The following AGMO variants were observed in gnomAD, a reference collection of about 807,000 sequenced individuals.
AGMO encodes the protein alkylglycerol monooxygenase.
Under a neutral mutation model 60.2 loss-of-function variants are expected in AGMO, and 75 were observed. The ratio of observed to expected loss-of-function variants is 1.25; its 90% CI spans 1.03 to 1.51. AGMO has a LOEUF of 1.51. Among genes scored for constraint, AGMO ranks in the 40% most tolerant of loss-of-function variants. The pLI is 0.00. For synonymous variants in AGMO, 261 were observed against 177.1 expected (o/e 1.47, Z -3.76); for missense variants, 763 against 525.5 (o/e 1.45, Z -4.42).
At chr7:15,190,198 T>C in the AGMO span, among the ~76,000 whole-genome samples, 1 of 3,834 alleles carries the variant, frequency 2.6e-4, no homozygotes, top group African/African-American at 1.1e-3. Flanking sequence ...TATATATATA[T>C]ATTTATATAT....
the AGMO span, among the ~76,000 whole-genome samples, chr7:15,167,352 A>G: frequency 6.6e-6 from 1 of 152,314 alleles, no homozygotes; most frequent in African/African-American, 2.4e-5. Flanking sequence ...AAATTAAGAA[A>G]TAGCTTCTTT....
intron 10 of AGMO, among the ~76,000 whole-genome samples, chr7:15,370,095 C>A (rs1449158461): frequency 2.0e-5 from 3 of 152,058 alleles, no homozygotes; most frequent in African/African-American, 7.2e-5. Context: ...CTATTGTTGT[C>A]ATCTTTATGT....
At chr7:15,283,144 A>C (rs1004916017) in intron 12 of AGMO, among the ~76,000 whole-genome samples, 1 of 152,164 alleles carries the variant, frequency 6.6e-6, no homozygotes, top group Non-Finnish European at 1.5e-5. Context: ...TCTTAAAAGC[A>C]TAAAACTCAC....
chr7:15,547,651 G>C (rs556315339), intron 2 of AGMO, among the ~76,000 whole-genome samples: 1 of 152,058 alleles, frequency 6.6e-6, no homozygotes, highest in East Asian at 1.9e-4. Context: ...TCCGCACCTG[G>C]CTCGGAGGGT....
At chr7:15,547,673 G>T (rs918067879) in intron 2 of AGMO, among the ~76,000 whole-genome samples, 2 of 152,056 alleles carry the variant, frequency 1.3e-5, no homozygotes, top group Non-Finnish European at 2.9e-5. Flanking sequence ...CTACGCCCAC[G>T]GAGTCTCGCT....
intron 8 of AGMO, among the ~76,000 whole-genome samples, chr7:15,390,430 CTTTA>C (rs1313391835): frequency 6.6e-6 from 1 of 152,152 alleles, no homozygotes; most frequent in Admixed American, 6.5e-5. Context: ...TTAGAAGCCA[CTTTA>C]TTTTTCATTC....
chr7:15,352,717 G>T (rs773345371), intron 12 of AGMO, among the ~76,000 whole-genome samples: 7 of 151,584 alleles, frequency 4.6e-5, no homozygotes, highest in Non-Finnish European at 4.4e-5. Context: ...CCACGTTGAC[G>T]GTCTGCCAAA....
intron 5 of AGMO, among the ~76,000 whole-genome samples, chr7:15,396,759 G>A (rs1263276050): frequency 6.6e-6 from 1 of 151,560 alleles, no homozygotes; most frequent in Non-Finnish European, 1.5e-5. Context: ...ATTTTACGGA[G>A]AGCTGATTGG....
chr7:15,338,548 G>A (rs547127332), intron 12 of AGMO, among the ~76,000 whole-genome samples: 62 of 152,220 alleles, frequency 4.1e-4, no homozygotes, highest in African/African-American at 1.4e-3. Context: ...TTTCCCCAGT[G>A]CAGTCTCTGT....
At chr7:15,504,509 G>T (rs766497378) in intron 3 of AGMO, among the ~76,000 whole-genome samples, 18 of 151,944 alleles carry the variant, frequency 1.2e-4, no homozygotes, top group African/African-American at 3.9e-4. Flanking sequence ...GTACTCCTGA[G>T]TGTCCAATTA....
At chr7:15,545,891 T>A (rs1784767393) in intron 2 of AGMO, among the ~76,000 whole-genome samples, 1 of 152,006 alleles carries the variant, frequency 6.6e-6, no homozygotes, top group African/African-American at 2.4e-5. Flanking sequence ...AATGAATTAA[T>A]CATTCTAGTT....
intron 12 of AGMO, among the ~76,000 whole-genome samples, chr7:15,231,020 G>C (rs1450530978): frequency 6.6e-6 from 1 of 152,082 alleles, no homozygotes; most frequent in Non-Finnish European, 1.5e-5. Context: ...TTTTAATTCA[G>C]GGTGGCTCAG....
intron 12 of AGMO, among the ~76,000 whole-genome samples, chr7:15,286,412 T>A (rs1200654488): frequency 6.6e-6 from 1 of 151,700 alleles, no homozygotes; most frequent in Non-Finnish European, 1.5e-5. Flanking sequence ...AGTGGCCAAA[T>A]GACATAAATA....
chr7:15,350,563 T>C (rs576113049), intron 12 of AGMO, among the ~76,000 whole-genome samples: 1 of 152,156 alleles, frequency 6.6e-6, no homozygotes, highest in South Asian at 2.1e-4. Flanking sequence ...ACATTGAGAG[T>C]CAGAGAGAGT....
chr7:15,515,488 G>A (rs1011202637), intron 3 of AGMO, among the ~76,000 whole-genome samples: 2 of 152,180 alleles, frequency 1.3e-5, no homozygotes, highest in Non-Finnish European at 2.9e-5. Context: ...ATTAGAATGT[G>A]CTTTGTTGTC....
intron 5 of AGMO, among the ~76,000 whole-genome samples, chr7:15,412,114 T>C (rs1024156473): frequency 1.3e-5 from 2 of 152,182 alleles, no homozygotes; most frequent in Non-Finnish European, 2.9e-5. Flanking sequence ...TTCTGCTTTC[T>C]ATTATTTCAT....
chr7:15,275,957 C>T (rs1240507750), intron 12 of AGMO, among the ~76,000 whole-genome samples: 2 of 151,670 alleles, frequency 1.3e-5, no homozygotes, highest in Non-Finnish European at 3.0e-5. Context: ...TTGCAGCAAA[C>T]GGTTGGGTCT....
intron 3 of AGMO, among the ~76,000 whole-genome samples, chr7:15,464,370 C>G (rs538335135): frequency 1.7e-4 from 26 of 152,314 alleles, no homozygotes; most frequent in Non-Finnish European, 3.1e-4. Flanking sequence ...AAAACATAGA[C>G]TTGAACTTGT....
chr7:15,548,791 G>A (rs1244993133), intron 2 of AGMO, among the ~76,000 whole-genome samples: 4 of 152,064 alleles, frequency 2.6e-5, no homozygotes, highest in African/African-American at 4.8e-5. Flanking sequence ...GCAGGCCAAC[G>A]TTCAGTTTCA....
Sources: allele counts gnomAD v4.1 joint callset (sites outside exome capture counted in the v4.1 genomes callset), GRCh38; gene constraint gnomAD v4.1.1; transcripts MANE v1.5; gene names NCBI Gene and HGNC (gene_info 2026-07-23, HGNC 2026-07-21).